KCP: variants seen among roughly 807,000 people sequenced by gnomAD.
KCP encodes the protein kielin cysteine rich BMP regulator, also known as kielin/chordin-like protein.
A neutral mutation model predicts 212.7 loss-of-function variants in KCP; 194 were observed. The ratio of observed to expected loss-of-function variants is 0.91; its 90% CI spans 0.81 to 1.03. The LOEUF (loss-of-function observed/expected upper bound fraction) is 1.03, where lower values mean the gene tolerates loss of function less well. Among genes scored for constraint, KCP ranks in the 50% least tolerant of loss-of-function variants. The pLI is 0.00. For missense variants in KCP, 2,080 were observed against 2,162.5 expected (o/e 0.96, Z 0.76); for synonymous variants, 833 against 865.3 (o/e 0.96, Z 0.65).
Position 128,884,898 on chromosome 7 carries a change from G to A in KCP, c.3041-35C>T, listed in dbSNP as rs777117022. 108 of 1,544,364 alleles carry A rather than the reference G, an allele frequency of 7.0e-5. 1 individual carries two copies. The highest frequency in any genetic ancestry group is 9.8e-5 in the Admixed American group (5 of 50,980). The stretch of plus-strand genomic sequence containing the variant: ...GGAGTGAGAGCAGAACGGGACCAGG[G>A]GTCCTTCAGGCTGGCAGCGAGGCAG... On this transcript the variant is annotated intron_variant, in intron 27 of 39. Transcript: ENST00000610776.
At position 128,887,500 on chromosome 7, in the gene KCP, T is replaced by A. The variant is rs532039265; in HGVS notation, c.2513-200A>T. Among the ~76,000 whole-genome samples the A allele has an allele frequency of 1.6e-4, 19 of 115,800 alleles. No homozygotes were observed. In the South Asian group the frequency reaches 5.6e-3, roughly 34 times the overall value. The allele number at this position is 115,800 out of a possible 152,430, so 76.0% of individuals were successfully genotyped here. A position where few individuals can be genotyped will look rare whatever the true frequency, so the allele number is the denominator to read the frequency against. ...AGCCACACACATACATACACGCATA[T>A]ACACACAGCAGGTGGGAGTGCAACA... On this transcript the variant is annotated intron_variant, in intron 22 of 39. Transcript: ENST00000610776.
At chr7:128,904,428 CTCTT>C (rs1247068369) in intron 5 of KCP, 1 of 1,315,470 alleles carries the variant, frequency 7.6e-7, no homozygotes, top group Non-Finnish European at 1.1e-6. Flanking sequence ...ACCATCCTCC[CTCTT>C]TCTCTCTCTC....
intron 34 of KCP, 29 bp downstream of exon 34, chr7:128,880,357 T>G: frequency 1.1e-5 from 9 of 783,044 alleles, no homozygotes; most frequent in Non-Finnish European, 1.7e-5. Context: ...ACCCTGACCC[T>G]CCCCACCATT....
Position 128,908,446 on chromosome 7 carries a change from C to T in KCP, c.199G>A (p.Val67Met). Residue 67 changes from valine (V) to methionine (M), a missense_variant, in exon 2 of 40, where the codon GTG (valine) becomes ATG (methionine). Physicochemically the swap from Val to Met is conservative, Grantham distance 21 (BLOSUM62 1). Transcript: ENST00000610776. ...REWLGRLEAAVMELREQNKDL... is the reference protein window; with the variant it reads ...REWLGRLEAAMMELREQNKDL... ...GGTACCTGTTCTCTGAGCTCCATCACTGCAGCCTCCAGTCGCCCCAGCCAC... is the reference window on the plus strand; with the variant it reads ...GGTACCTGTTCTCTGAGCTCCATCATTGCAGCCTCCAGTCGCCCCAGCCAC... The T allele has an allele frequency of 6.4e-7, 1 of 1,551,578 alleles. No individual in the cohort carries two copies. Among genetic ancestry groups the T allele is most frequent in the Non-Finnish European group, 8.7e-7 (1 of 1,146,996 alleles).
intron 24 of KCP, 45 bp from the exon 25 acceptor site, chr7:128,886,782 C>G: frequency 6.6e-7 from 1 of 1,526,540 alleles, no homozygotes; most frequent in East Asian, 2.5e-5. Flanking sequence ...TGCCACCCTG[C>G]CCTGCTCGGC....
rs773916956 is a variant in KCP at position 128,893,992 on chromosome 7, G to A, written c.989C>T (p.Ser330Leu). Reference protein sequence around the residue: ...GEPVGSGDPCSHCRCANGSVQ... With the variant: ...GEPVGSGDPCLHCRCANGSVQ... The stretch of plus-strand genomic sequence containing the variant: ...CACACTCACAGCACAGCGGCAGTGC[G>A]AGCAGGGGTCCCCTGAGCCCACAGG... The change falls in exon 10 of 40, where the codon TCG becomes TTG. Residue 330 changes from serine to leucine, a missense_variant. Transcript: ENST00000610776. 5.2e-6 allele frequency: 8 copies of A among 1,550,128 alleles called. No individual in the cohort carries two copies. Among genetic ancestry groups the A allele is most frequent in the Middle Eastern group, 3.4e-4 (2 of 5,912 alleles).
In KCP at chr7:128,907,260, T is replaced by C; in HGVS notation, c.409+4A>G. 6.5e-7 allele frequency: 1 copy of C among 1,534,032 alleles called. No homozygotes were observed. The highest frequency in any genetic ancestry group is 8.8e-7 in the Non-Finnish European group (1 of 1,133,160). On this transcript the variant is annotated splice_donor_region_variant and intron_variant, in intron 3 of 39. Transcript: ENST00000610776. ...CCCCAGTGGGCGGATAGGGTGGCAC[T>C]TACCCCTGCAATGGGGCAGGTGTGC...
chr7:128,888,399 T>A (rs1387289305), intron 22 of KCP, among the ~76,000 whole-genome samples: 1 of 80,956 alleles, frequency 1.2e-5, no homozygotes, highest in African/African-American at 5.0e-5. Flanking sequence ...CACACACAGA[T>A]ACACACATAC....
At position 128,884,954 on chromosome 7, in the gene KCP, T is replaced by C; in HGVS notation, c.3041-91A>G. 1.1e-5 allele frequency: 17 copies of C among 1,489,530 alleles called. No homozygotes were observed. In the South Asian group the frequency reaches 1.9e-4, roughly 17 times the overall value. 92.3% of individuals were successfully genotyped at this position (1,489,530 alleles called of 1,614,324 possible). ...GAGTCCTCTATCTCCAGCCTCCCCC[T>C]GATCCCAGGGAGTGGAGTGTGCACA... On this transcript the variant is annotated intron_variant, in intron 27 of 39. Transcript: ENST00000610776.
Position 128,877,702 on chromosome 7 carries a change from T to C in KCP, c.4400A>G (p.Glu1467Gly), listed in dbSNP as rs1345009768. 6.4e-7 allele frequency: 1 copy of C among 1,551,132 alleles called. No homozygotes were observed. Among genetic ancestry groups the C allele is most frequent in the Non-Finnish European group, 8.7e-7 (1 of 1,146,980 alleles). ...CRAAGYRARR[E>G]ANARCGVLKS... ...CAGCACCCCACACCGGGCATTGGCC[T>C]CACGCCTGGCACGGTAACCTGCTGC... The change falls in exon 39 of 40, where the codon GAG becomes GGG. Residue 1467 changes from glutamate (E) to glycine (G), a missense_variant. By Grantham distance (98) the Glu-to-Gly change is moderately conservative. Coordinates refer to ENST00000610776, the MANE Select transcript of KCP (RefSeq NM_001366122.1).
chr7:128,886,408 A>G, intron 26 of KCP, 56 bp downstream of exon 26: 1 of 1,416,690 alleles, frequency 7.1e-7, no homozygotes, highest in Admixed American at 2.3e-5. Flanking sequence ...TGGGGTGGAC[A>G]GAGGGACACA....
intron 8 of KCP, among the ~76,000 whole-genome samples, chr7:128,896,056 T>A (rs905663404): frequency 1.3e-5 from 2 of 152,116 alleles, no homozygotes; most frequent in Non-Finnish European, 2.9e-5. Context: ...CTGTAACATC[T>A]TTCTGGCGAC....
chr7:128,906,633 A>C (rs141390053), intron 4 of KCP, among the ~76,000 whole-genome samples: 9 of 152,262 alleles, frequency 5.9e-5, no homozygotes, highest in African/African-American at 2.2e-4. Context: ...AGAAGACCGA[A>C]GACTTTCTCA....
chr7:128,880,319 C>A, intron 34 of KCP, 67 bp downstream of exon 34: 1 of 1,464,358 alleles, frequency 6.8e-7, no homozygotes, highest in Non-Finnish European at 9.1e-7. Context: ...TGCCTGGTCA[C>A]ACCAGGATGG....
chr7:128,887,677 A>C (rs1383389084), intron 22 of KCP, among the ~76,000 whole-genome samples: 1 of 148,496 alleles, frequency 6.7e-6, no homozygotes, highest in African/African-American at 2.5e-5. Flanking sequence ...ACAGCCACAC[A>C]CACACATACA....
At chr7:128,910,123 C>A (rs1486589115) in intron 1 of KCP, among the ~76,000 whole-genome samples, 1 of 152,190 alleles carries the variant, frequency 6.6e-6, no homozygotes, top group Non-Finnish European at 1.5e-5. Context: ...CCTGGAGAGA[C>A]CTGCAGAAAG....
Position 128,879,532 on chromosome 7 carries a change from G to A in KCP, c.4136C>T (p.Pro1379Leu). 1 of 1,549,428 alleles carries A rather than the reference G, an allele frequency of 6.5e-7. No individual in the cohort carries two copies. Residue 1379 changes from proline to leucine, a missense_variant, in exon 37 of 40, where the codon CCC (proline) becomes CTC (leucine). Coordinates refer to ENST00000610776, the MANE Select transcript of KCP (RefSeq NM_001366122.1). ...GCCCTGGAGCCGCACCTGGAGCCCG[G>A]GCTGGGCGTGCAGGATCACAGTGTG... Reference protein sequence around the residue: ...RGHTVILHAQPGLQVLWDGQS... With the variant: ...RGHTVILHAQLGLQVLWDGQS...
At chr7:128,882,213 T>C (rs1292842284) in intron 29 of KCP, among the ~76,000 whole-genome samples, 197 bp from the exon 30 acceptor site, 1 of 152,204 alleles carries the variant, frequency 6.6e-6, no homozygotes. Flanking sequence ...AAAAGAAACT[T>C]TGCTAGGCTA....
rs1470632889 is a variant in KCP at position 128,893,998 on chromosome 7, G to A, written c.983C>T (p.Pro328Leu). Residue 328 changes from proline to leucine, a missense_variant, in exon 10 of 40, where the codon CCC becomes CTC. Transcript: ENST00000610776. ...RSGEPVGSGDPCSHCRCANGS... is the reference protein window; with the variant it reads ...RSGEPVGSGDLCSHCRCANGS... ...CACAGCACAGCGGCAGTGCGAGCAG[G>A]GGTCCCCTGAGCCCACAGGCTCCCC... 6.5e-7 allele frequency: 1 copy of A among 1,550,180 alleles called. No homozygotes were observed. The highest frequency in any genetic ancestry group is 1.2e-5 in the South Asian group (1 of 84,020).
Sources: gnomAD v4.1 joint callset for allele counts (sites outside exome capture counted in the v4.1 genomes callset) on GRCh38, gnomAD v4.1.1 for gene constraint, MANE v1.5 for transcripts, NCBI Gene and HGNC (gene_info 2026-07-23, HGNC 2026-07-21) for gene names.